MEF2C: variants seen among roughly 807,000 people sequenced by gnomAD.
The protein encoded by MEF2C is myocyte enhancer factor 2C, also known as myocyte-specific enhancer factor 2C.
In MEF2C, 6 loss-of-function variants were observed where a neutral mutation model predicts 50.5. The ratio of observed to expected loss-of-function variants is 0.12; its 90% CI spans 0.07 to 0.23. The LOEUF is 0.23. Ranked by LOEUF, MEF2C falls within the 10% of genes least tolerant of loss-of-function variation. The pLI, the probability that MEF2C is intolerant of heterozygous loss-of-function variation, is 1.00. For synonymous variants in MEF2C, 183 were observed against 228.0 expected (o/e 0.80, Z 1.78); for missense variants, 276 against 605.0 (o/e 0.46, Z 5.70).
intron 6 of MEF2C, among the ~76,000 whole-genome samples, 177 bp from the exon 7 acceptor site, chr5:88,732,078 C>T (rs1315826265): frequency 6.6e-6 from 1 of 152,152 alleles, no homozygotes; most frequent in Admixed American, 6.5e-5. Context: ...TTCAATAGTC[C>T]TCTGAAGGAA....
At position 88,719,785 on chromosome 5, in the gene MEF2C, C is replaced by T. The variant is rs1387343519; in HGVS notation, c.*2819G>A. The stretch of plus-strand genomic sequence containing the variant: ...TCTTTTAAAAATTCTCAGATTATCC[C>T]TTCCCTATCTTGCCACCACTTTATA... On this transcript the variant is annotated 3_prime_UTR_variant, in exon 11 of 11. Coordinates refer to ENST00000504921, the MANE Select transcript of MEF2C (RefSeq NM_002397.5). 6.6e-6 allele frequency: 1 copy of T among 152,146 alleles called. No individual in the cohort carries two copies. Among genetic ancestry groups the T allele is most frequent in the Non-Finnish European group, 1.5e-5 (1 of 68,016 alleles). The allele number at this position is 152,146 out of a possible 1,614,324, so 9.4% of individuals were successfully genotyped here.
At chr5:88,795,836 GT>G (rs1218739778) in intron 3 of MEF2C, among the ~76,000 whole-genome samples, 2 of 152,172 alleles carry the variant, frequency 1.3e-5, no homozygotes, top group Non-Finnish European at 2.9e-5. Context: ...TTTATTGCGA[GT>G]TTTTAGCAGG....
chr5:88,820,951 T>A (rs1808050114), intron 2 of MEF2C, among the ~76,000 whole-genome samples: 1 of 151,976 alleles, frequency 6.6e-6, no homozygotes, highest in Admixed American at 6.6e-5. Flanking sequence ...CTGAAATATA[T>A]ATTAAAACAT....
chr5:88,890,925 C>G (rs545486444), intron 1 of MEF2C, among the ~76,000 whole-genome samples: 12 of 152,144 alleles, frequency 7.9e-5, no homozygotes, highest in Non-Finnish European at 1.2e-4. Flanking sequence ...CTAACAGGGT[C>G]CAGTATACTT....
At chr5:88,737,454 A>C (rs953373251) in intron 6 of MEF2C, 24 of 985,422 alleles carry the variant, frequency 2.4e-5, no homozygotes, top group Non-Finnish European at 2.8e-5. Context: ...ATTTTCCCTA[A>C]TGAAAATGAA....
Position 88,837,781 on chromosome 5 carries a change from C to T in MEF2C, c.-142-13851G>A, listed in dbSNP as rs186070621. Among the ~76,000 whole-genome samples, 33 of 152,240 alleles carry T rather than the reference C, an allele frequency of 2.2e-4. 1 individual carries two copies. In the East Asian group the frequency reaches 4.6e-3, roughly 21 times the overall value. On this transcript the variant is annotated intron_variant, in intron 1 of 10. Transcript: ENST00000504921. Reference sequence around the variant, plus strand: ...ATATTGAAGGATATGTTCACCTCAGCCTCAAGCAATATAAACAGTTAAGAC... The same window carrying T: ...ATATTGAAGGATATGTTCACCTCAGTCTCAAGCAATATAAACAGTTAAGAC...
At chr5:88,798,173 T>C (rs1796787432) in intron 3 of MEF2C, among the ~76,000 whole-genome samples, 1 of 152,178 alleles carries the variant, frequency 6.6e-6, no homozygotes, top group African/African-American at 2.4e-5. Context: ...TTACTGAATT[T>C]GAATGTTGGC....
intron 1 of MEF2C, chr5:88,825,897 A>C (rs1810654709): frequency 6.6e-6 from 1 of 152,094 alleles, no homozygotes; most frequent in South Asian, 2.1e-4. Context: ...TTACAGGACT[A>C]TGCCTGCCTA....
At chr5:88,791,739 C>T (rs1208252650) in intron 3 of MEF2C, among the ~76,000 whole-genome samples, 1 of 151,936 alleles carries the variant, frequency 6.6e-6, no homozygotes, top group Non-Finnish European at 1.5e-5. Flanking sequence ...AGACTCATTT[C>T]TTCTTTAAGA....
chr5:88,813,289 A>C (rs1803689493), intron 2 of MEF2C, among the ~76,000 whole-genome samples: 1 of 152,120 alleles, frequency 6.6e-6, no homozygotes. Context: ...AGCTAGAATA[A>C]AAAAAGGTGG....
At chr5:88,738,537 C>T in intron 6 of MEF2C, 1 of 902,662 alleles carries the variant, frequency 1.1e-6, no homozygotes, top group Non-Finnish European at 1.3e-6. Context: ...CAGCTATCAA[C>T]TGGTGAAGCT....
intron 5 of MEF2C, 109 bp downstream of exon 5, chr5:88,751,748 G>T: frequency 7.9e-7 from 1 of 1,267,210 alleles, no homozygotes; most frequent in Non-Finnish European, 1.1e-6. Context: ...AGCCATGAAG[G>T]AGAGTAAGTG....
intron 1 of MEF2C, among the ~76,000 whole-genome samples, chr5:88,857,785 T>C (rs907480911): frequency 3.9e-5 from 6 of 152,244 alleles, no homozygotes; most frequent in Non-Finnish European, 7.3e-5. Flanking sequence ...CCCAGCCATG[T>C]GAAACTGTGA....
At chr5:88,834,791 C>T (rs1428443169) in intron 1 of MEF2C, among the ~76,000 whole-genome samples, 1 of 152,088 alleles carries the variant, frequency 6.6e-6, no homozygotes, top group Non-Finnish European at 1.5e-5. Context: ...GTTTTCTAAA[C>T]CCCAGTCTCT....
intron 1 of MEF2C, among the ~76,000 whole-genome samples, chr5:88,824,599 T>C (rs304154): frequency 0.42 from 64,279 of 151,702 alleles, 15,561 homozygotes; most frequent in African/African-American, 0.66. Context: ...AACTACATCT[T>C]AGATAACAAG....
chr5:88,843,065 G>C (rs774550534), intron 1 of MEF2C, among the ~76,000 whole-genome samples: 1 of 152,070 alleles, frequency 6.6e-6, no homozygotes, highest in Non-Finnish European at 1.5e-5. Context: ...TACTGATTGG[G>C]AGCTACAAAA....
chr5:88,876,037 A>G (rs1371740263), intron 1 of MEF2C, among the ~76,000 whole-genome samples: 3 of 151,320 alleles, frequency 2.0e-5, no homozygotes, highest in South Asian at 2.1e-4. Flanking sequence ...TTTTAAAAAG[A>G]AAGAGCTGAA....
chr5:88,772,568 C>A (rs192350002), intron 3 of MEF2C, among the ~76,000 whole-genome samples: 96 of 152,336 alleles, frequency 6.3e-4, no homozygotes, highest in African/African-American at 2.3e-3. Flanking sequence ...AAAAATACTG[C>A]AAGTTATTTC....
At chr5:88,775,749 G>A in intron 3 of MEF2C, 4 of 875,566 alleles carry the variant, frequency 4.6e-6, no homozygotes, top group Non-Finnish European at 5.5e-6. Flanking sequence ...AATATTCTTA[G>A]GTGTGCATTG....
Sources: allele counts gnomAD v4.1 joint callset (sites outside exome capture counted in the v4.1 genomes callset), GRCh38; gene constraint gnomAD v4.1.1; transcripts MANE v1.5; gene names NCBI Gene and HGNC (gene_info 2026-07-23, HGNC 2026-07-21).